Variants in NFXL1 observed in about 807,000 individuals in gnomAD.
NFXL1 encodes nuclear transcription factor, X-box binding like 1, also known as NF-X1-type zinc finger protein NFXL1.
Under a neutral mutation model 123.3 loss-of-function variants are expected in NFXL1, and 66 were observed. The ratio of observed to expected loss-of-function variants is 0.54; its 90% CI spans 0.44 to 0.66. The LOEUF (loss-of-function observed/expected upper bound fraction) is 0.66, where lower values mean the gene tolerates loss of function less well. NFXL1 is among the 30% of genes least tolerant of loss of function. NFXL1 has a pLI of 0.00. For missense variants in NFXL1, 944 were observed against 1,125.6 expected, an observed-to-expected ratio of 0.84 and a Z score of 2.31; for synonymous variants, 346 against 360.8, an observed-to-expected ratio of 0.96 and a Z score of 0.46.
At chr4:47,912,003 A>C (rs1435984515) in intron 2 of NFXL1, among the ~76,000 whole-genome samples, 1 of 152,182 alleles carries the variant, frequency 6.6e-6, no homozygotes, top group East Asian at 1.9e-4. Flanking sequence ...AGCCACTACC[A>C]AGATAAGCTC....
intron 10 of NFXL1, 35 bp downstream of exon 10, chr4:47,896,488 G>C: frequency 4.5e-6 from 7 of 1,548,186 alleles, no homozygotes; most frequent in Non-Finnish European, 6.2e-6. Flanking sequence ...ATGATAGGTA[G>C]CTCTTAAAAG....
chr4:47,888,924 T>G (rs1288431181), intron 12 of NFXL1, among the ~76,000 whole-genome samples: 1 of 152,182 alleles, frequency 6.6e-6, no homozygotes, highest in East Asian at 1.9e-4. Context: ...TATGAAGAAA[T>G]ATGTTAACTA....
intron 10 of NFXL1, among the ~76,000 whole-genome samples, chr4:47,894,537 G>GT (rs1736966558): frequency 7.6e-6 from 1 of 132,276 alleles, no homozygotes; most frequent in African/African-American, 3.1e-5. Flanking sequence ...ATATTGAATA[G>GT]TTAAAAAAAA....
intron 3 of NFXL1, among the ~76,000 whole-genome samples, chr4:47,907,682 G>A (rs1737623536): frequency 6.6e-6 from 1 of 152,018 alleles, no homozygotes; most frequent in Non-Finnish European, 1.5e-5. Context: ...ACAAAACACA[G>A]CATAAAAAAA....
In NFXL1 at chr4:47,896,633, A is replaced by G; in HGVS notation, c.1219T>C (p.Cys407Arg). 1.2e-6 allele frequency: 2 copies of G among 1,607,854 alleles called. No homozygotes were observed. The highest frequency in any genetic ancestry group is 1.1e-5 in the South Asian group (1 of 90,790). ...CCACAAGTTGGTACATCTTCTGTACAAGGCAAAGAAAACTCTAAAAACATA... is the reference window on the plus strand; with the variant it reads ...CCACAAGTTGGTACATCTTCTGTACGAGGCAAAGAAAACTCTAAAAACATA... ...PCQKSKFSLP[C>R]TEDVPTCGDS... is the part of the protein sequence containing the mutation. The change falls in exon 10 of 23, where the codon TGT (cysteine) becomes CGT (arginine). Residue 407 changes from cysteine to arginine, a missense_variant. Physicochemically the swap from Cys to Arg is radical, Grantham distance 180. Transcript: ENST00000507489.
At chr4:47,853,080 G>A (rs1734215844) in intron 20 of NFXL1, among the ~76,000 whole-genome samples, 1 of 151,698 alleles carries the variant, frequency 6.6e-6, no homozygotes, top group African/African-American at 2.4e-5. Context: ...AAACACTGGA[G>A]ACAAAAATAA....
chr4:47,873,946 G>A (rs1305140338), intron 18 of NFXL1, among the ~76,000 whole-genome samples: 1 of 152,228 alleles, frequency 6.6e-6, no homozygotes, highest in African/African-American at 2.4e-5. Flanking sequence ...ATCAGCACTT[G>A]CTGCTTCACC....
chr4:47,905,647 C>A (rs1258445872), intron 3 of NFXL1, among the ~76,000 whole-genome samples: 1 of 149,910 alleles, frequency 6.7e-6, no homozygotes, highest in East Asian at 2.0e-4. Context: ...CCATAAGCAA[C>A]AGCAGCAAGA....
chr4:47,906,620 G>A (rs1454191654), intron 3 of NFXL1, among the ~76,000 whole-genome samples: 3 of 151,984 alleles, frequency 2.0e-5, no homozygotes, highest in African/African-American at 7.3e-5. Flanking sequence ...AGTATGGGGC[G>A]CCTATTTTGC....
At chr4:47,876,556 A>C (rs1443055091) in intron 17 of NFXL1, among the ~76,000 whole-genome samples, 1 of 152,144 alleles carries the variant, frequency 6.6e-6, no homozygotes, top group Non-Finnish European at 1.5e-5. Flanking sequence ...GATAGTCAGG[A>C]GTTAGATCAT....
At chr4:47,879,016 C>A in intron 16 of NFXL1, 80 bp downstream of exon 16, 1 of 817,530 alleles carries the variant, frequency 1.2e-6, no homozygotes, top group South Asian at 1.7e-5. Flanking sequence ...TTTGTTATTT[C>A]TAACAACTCT....
At chr4:47,872,507 C>T (rs1255237084) in intron 18 of NFXL1, among the ~76,000 whole-genome samples, 2 of 151,546 alleles carry the variant, frequency 1.3e-5, no homozygotes, top group African/African-American at 4.8e-5. Context: ...AAGTCAACTA[C>T]TGGCATAGCT....
intron 3 of NFXL1, among the ~76,000 whole-genome samples, chr4:47,910,334 A>G (rs980289153): frequency 1.3e-5 from 2 of 152,168 alleles, no homozygotes; most frequent in Non-Finnish European, 2.9e-5. Context: ...GGGCAACAGA[A>G]CAAGACCCCA....
At chr4:47,877,909 TTA>T in intron 17 of NFXL1, among the ~76,000 whole-genome samples, 1 of 152,090 alleles carries the variant, frequency 6.6e-6, no homozygotes, top group South Asian at 2.1e-4. Flanking sequence ...TAGAAAAAAA[TTA>T]TTTTAAAACT....
At chr4:47,894,104 A>G in intron 11 of NFXL1, 76 bp downstream of exon 11, 1 of 1,045,558 alleles carries the variant, frequency 9.6e-7, no homozygotes, top group Non-Finnish European at 1.4e-6. Context: ...AATTCAAGAC[A>G]GCACTTATTT....
chr4:47,885,899 G>C lies in NFXL1; in HGVS notation c.1644C>G (p.Pro548=). The C allele has an allele frequency of 6.2e-7, 1 of 1,613,784 alleles. No individual in the cohort carries two copies. Among genetic ancestry groups the C allele is most frequent in the Non-Finnish European group, 8.5e-7 (1 of 1,179,818 alleles). Residue 548 remains proline (P), a synonymous_variant, in exon 13 of 23, where the codon CCC becomes CCG. Coordinates refer to ENST00000507489, the MANE Select transcript of NFXL1 (RefSeq NM_001278624.2). ...CTCACCTGCATTGCTCCTTGCACTT[G>C]GGTGGTCTTGTGGTACGTTCTCGGC... ...PCGRERTTRP[P]KCKEQCSRPP...
intron 19 of NFXL1, among the ~76,000 whole-genome samples, chr4:47,856,940 AG>A (rs1365915701): frequency 6.6e-6 from 1 of 152,136 alleles, no homozygotes; most frequent in Non-Finnish European, 1.5e-5. Context: ...CAGTGCCTTT[AG>A]CCAGACTTCA....
intron 14 of NFXL1, 130 bp downstream of exon 14, chr4:47,885,368 C>T (rs1397091342): frequency 1.4e-6 from 1 of 727,710 alleles, no homozygotes; most frequent in East Asian, 2.5e-5. Context: ...GTCTTGATTA[C>T]CTTGTACCCT....
chr4:47,881,653 G>C (rs1450320823), intron 15 of NFXL1, among the ~76,000 whole-genome samples: 1 of 152,168 alleles, frequency 6.6e-6, no homozygotes, highest in Non-Finnish European at 1.5e-5. Context: ...ATGGTAAATG[G>C]ATAAACAAAC....
Sources: allele counts gnomAD v4.1 joint callset (sites outside exome capture counted in the v4.1 genomes callset), GRCh38; gene constraint gnomAD v4.1.1; transcripts MANE v1.5; gene names NCBI Gene and HGNC (gene_info 2026-07-23, HGNC 2026-07-21).